CYRIA: variants seen among roughly 807,000 people sequenced by gnomAD.
CYRIA encodes the protein CYFIP related Rac1 interactor A.
A neutral mutation model predicts 43.9 loss-of-function variants in CYRIA; 15 were observed. That is an observed-to-expected ratio of 0.34 (90% CI 0.23 to 0.53). The LOEUF (loss-of-function observed/expected upper bound fraction) is 0.53, where lower values mean the gene tolerates loss of function less well. Ranked by LOEUF, CYRIA falls within the 20% of genes least tolerant of loss-of-function variation. The pLI is 0.94. For synonymous variants in CYRIA, 117 were observed against 136.0 expected (o/e 0.86, Z 0.97); for missense variants, 236 against 394.2 (o/e 0.60, Z 3.40).
chr2:16,550,388 G>A lies in CYRIA; in HGVS notation c.*2548C>T, dbSNP rs1185682788. 3 of 151,624 alleles carry A rather than the reference G, an allele frequency of 2.0e-5. No individual in the cohort carries two copies. Among genetic ancestry groups the A allele is most frequent in the Non-Finnish European group, 2.9e-5 (2 of 67,952 alleles). The allele number at this position is 151,624 out of a possible 1,614,324, so 9.4% of individuals were successfully genotyped here. ...GGAGGACAGGCTGTTAAAAGAATTTGTCTCCCACAATATCTCTGGAGTGGG... is the reference window on the plus strand; with the variant it reads ...GGAGGACAGGCTGTTAAAAGAATTTATCTCCCACAATATCTCTGGAGTGGG... On this transcript the variant is annotated 3_prime_UTR_variant, in exon 12 of 12. Transcript: ENST00000381323.
intron 1 of CYRIA, among the ~76,000 whole-genome samples, chr2:16,644,282 T>C (rs573482320): frequency 2.7e-4 from 41 of 152,354 alleles, no homozygotes; most frequent in African/African-American, 9.9e-4. Context: ...AGAGAGCCGA[T>C]GTGAGTGAAT....
In CYRIA at chr2:16,592,227, T is replaced by C. The variant is rs184594764; in HGVS notation, c.-10-4098A>G. Among the ~76,000 whole-genome samples, 11 of 152,218 alleles carry C rather than the reference T, an allele frequency of 7.2e-5. No homozygotes were observed. In the East Asian group the frequency reaches 2.1e-3, roughly 29 times the overall value. Reference sequence around the variant, plus strand: ...GGTATGATATAAATATTCCAAAATTTAAAAATATCTGAAATTCAAAACACT... The same window carrying C: ...GGTATGATATAAATATTCCAAAATTCAAAAATATCTGAAATTCAAAACACT... On this transcript the variant is annotated intron_variant, in intron 2 of 11. Coordinates refer to ENST00000381323, the MANE Select transcript of CYRIA (RefSeq NM_030797.4).
chr2:16,663,637 G>A (rs1670320372), intron 1 of CYRIA, among the ~76,000 whole-genome samples: 2 of 151,838 alleles, frequency 1.3e-5, no homozygotes, highest in African/African-American at 4.8e-5. Flanking sequence ...AGGCCTGGGA[G>A]CAAATGCAAA....
At chr2:16,583,229 T>G (rs1667612370) in intron 3 of CYRIA, among the ~76,000 whole-genome samples, 1 of 152,208 alleles carries the variant, frequency 6.6e-6, no homozygotes, top group African/African-American at 2.4e-5. Context: ...TTAAAATAAA[T>G]AGTTTACTTG....
intron 4 of CYRIA, among the ~76,000 whole-genome samples, chr2:16,564,807 G>C (rs1328648255): frequency 6.6e-6 from 1 of 152,178 alleles, no homozygotes; most frequent in African/African-American, 2.4e-5. Context: ...AGTCAAAGTG[G>C]TGATTTTCTT....
chr2:16,593,714 GT>G (rs1668011445), intron 2 of CYRIA, among the ~76,000 whole-genome samples: 1 of 83,748 alleles, frequency 1.2e-5, no homozygotes, highest in Non-Finnish European at 2.3e-5. Flanking sequence ...TTTTGTGTGT[GT>G]GTGTTTTTTT....
intron 1 of CYRIA, among the ~76,000 whole-genome samples, chr2:16,661,044 A>G (rs1670239175): frequency 6.6e-6 from 1 of 152,186 alleles, no homozygotes; most frequent in African/African-American, 2.4e-5. Flanking sequence ...GCACTTTGGG[A>G]GGCCAAAGCG....
chr2:16,584,819 T>C (rs990360680), intron 3 of CYRIA, among the ~76,000 whole-genome samples: 3 of 152,180 alleles, frequency 2.0e-5, no homozygotes, highest in Non-Finnish European at 4.4e-5. Flanking sequence ...AAACCACTCA[T>C]TCTTTAAGGC....
At chr2:16,560,336 T>TG (rs1463223522) in intron 9 of CYRIA, among the ~76,000 whole-genome samples, 1 of 152,170 alleles carries the variant, frequency 6.6e-6, no homozygotes, top group African/African-American at 2.4e-5. Flanking sequence ...AAGGTACTCT[T>TG]GATGGCTTTG....
At chr2:16,604,002 C>A (rs1668292237) in intron 2 of CYRIA, among the ~76,000 whole-genome samples, 1 of 152,222 alleles carries the variant, frequency 6.6e-6, no homozygotes, top group Non-Finnish European at 1.5e-5. Flanking sequence ...AGTCTAGGAA[C>A]ACGCACCTGG....
chr2:16,626,925 T>C (rs1167272094), intron 1 of CYRIA, among the ~76,000 whole-genome samples: 1 of 152,214 alleles, frequency 6.6e-6, no homozygotes. Flanking sequence ...TCCATATCTT[T>C]TCATCTTTGC....
chr2:16,627,394 G>C (rs894199755), intron 1 of CYRIA, among the ~76,000 whole-genome samples: 6 of 152,166 alleles, frequency 3.9e-5, no homozygotes, highest in Non-Finnish European at 8.8e-5. Context: ...AAACCAGAAG[G>C]GGCAGGTGTT....
chr2:16,568,883 A>T (rs1275175799), intron 3 of CYRIA, among the ~76,000 whole-genome samples: 1 of 152,182 alleles, frequency 6.6e-6, no homozygotes. Flanking sequence ...TTTTAGACAA[A>T]ACAGAATTAA....
chr2:16,599,976 G>A (rs1056559137), intron 2 of CYRIA, among the ~76,000 whole-genome samples: 1 of 152,050 alleles, frequency 6.6e-6, no homozygotes, highest in Non-Finnish European at 1.5e-5. Flanking sequence ...GGATAGTCTC[G>A]AACTCCTGAC....
chr2:16,660,913 T>G (rs1454476638), intron 1 of CYRIA, among the ~76,000 whole-genome samples: 1 of 152,160 alleles, frequency 6.6e-6, no homozygotes, highest in Admixed American at 6.5e-5. Flanking sequence ...GGAAATGGGA[T>G]TCTTAGGCCA....
At chr2:16,627,888 G>A (rs1669217920) in intron 1 of CYRIA, among the ~76,000 whole-genome samples, 1 of 152,180 alleles carries the variant, frequency 6.6e-6, no homozygotes, top group Non-Finnish European at 1.5e-5. Flanking sequence ...GCCAGGGAGG[G>A]GATGAAGGCA....
rs771748924 is a variant in CYRIA, at chr2:16,561,456, G to A, written c.513C>T (p.His171=). 3.8e-5 allele frequency: 61 copies of A among 1,613,394 alleles called. No homozygotes were observed. In the Middle Eastern group the frequency reaches 6.6e-4, roughly 17 times the overall value. The change falls in exon 7 of 12, where the codon CAC becomes CAT. Residue 171 remains histidine (H), a splice_region_variant and synonymous_variant. Coordinates refer to ENST00000381323, the MANE Select transcript of CYRIA (RefSeq NM_030797.4). Reference sequence around the variant, plus strand: ...AGGTCAAGGCGACCCAGGGACTCACGTGCATGTTGTTGATGCGGTTGCGAC... The same window carrying A: ...AGGTCAAGGCGACCCAGGGACTCACATGCATGTTGTTGATGCGGTTGCGAC... ...TISRNRINNM[H]LDIENEVNNE... is the part of the protein sequence containing the mutation.
intron 1 of CYRIA, among the ~76,000 whole-genome samples, chr2:16,651,077 G>A (rs960780699): frequency 6.6e-6 from 1 of 152,142 alleles, no homozygotes; most frequent in Non-Finnish European, 1.5e-5. Flanking sequence ...TTCTGCAGCA[G>A]CTGATCTTTT....
At chr2:16,651,128 C>A (rs1669963953) in intron 1 of CYRIA, among the ~76,000 whole-genome samples, 1 of 152,110 alleles carries the variant, frequency 6.6e-6, no homozygotes, top group Non-Finnish European at 1.5e-5. Flanking sequence ...TCTGGGGGGT[C>A]TGGGAGGGTT....
Sources: gnomAD v4.1 joint callset for allele counts (sites outside exome capture counted in the v4.1 genomes callset) on GRCh38, gnomAD v4.1.1 for gene constraint, MANE v1.5 for transcripts, NCBI Gene and HGNC (gene_info 2026-07-23, HGNC 2026-07-21) for gene names.